Variants in LTN1 observed in about 807,000 individuals in gnomAD.
LTN1 encodes E3 ubiquitin-protein ligase listerin.
A neutral mutation model predicts 201.2 loss-of-function variants in LTN1; 88 were observed. The ratio of observed to expected loss-of-function variants is 0.44; its 90% confidence interval spans 0.37 to 0.52. The LOEUF (loss-of-function observed/expected upper bound fraction) is 0.52, where lower values mean the gene tolerates loss of function less well. Among genes scored for constraint, LTN1 ranks in the 20% least tolerant of loss-of-function variants. LTN1 has a pLI of 0.00. For synonymous variants in LTN1, 645 were observed against 713.5 expected (o/e 0.90, Z 1.53); for missense variants, 1,752 against 2,038.7 (o/e 0.86, Z 2.71).
rs757419194 is a variant in LTN1 at position 28,960,655 on chromosome 21, C to T, written c.2215G>A (p.Asp739Asn). 20 of 1,613,894 alleles carry T rather than the reference C, an allele frequency of 1.2e-5. No homozygotes were observed. Among genetic ancestry groups the T allele is most frequent in the Non-Finnish European group, 1.7e-5 (20 of 1,179,938 alleles). ...TTGACCAATTTCTCACCAAGGATATCGCCTTTGAGCCAAGGAGTTACTAAA... is the reference window on the plus strand; with the variant it reads ...TTGACCAATTTCTCACCAAGGATATTGCCTTTGAGCCAAGGAGTTACTAAA... ...HALVTPWLKG[D>N]ILGEKLVNLA... Residue 739 changes from aspartate to asparagine, a missense_variant, in exon 12 of 30, where the codon GAT (aspartate) becomes AAT (asparagine). Asp to Asn is a conservative substitution (Grantham distance 23). Transcript: ENST00000361371.
chr21:28,932,482 G>A lies in LTN1; in HGVS notation c.5058C>T (p.Tyr1686=), dbSNP rs771017905. The change falls in exon 28 of 30, where the codon TAC becomes TAT. Residue 1686 remains tyrosine (Y), a synonymous_variant. Transcript: ENST00000361371. ...WRNWMLQLST[Y]LTHQNGSIME... is the part of the protein sequence containing the mutation. Reference sequence around the variant, plus strand: ...AACAGAAACTTACCTGATGGGTGAGGTAAGTGCTTAACTGCAGCATCCAGT... The same window carrying A: ...AACAGAAACTTACCTGATGGGTGAGATAAGTGCTTAACTGCAGCATCCAGT... 2.5e-6 allele frequency: 4 copies of A among 1,613,420 alleles called. No homozygotes were observed. The highest frequency in any genetic ancestry group is 2.7e-5 in the African/African-American group (2 of 75,020).
intron 10 of LTN1, 67 bp from the exon 11 acceptor site, chr21:28,965,973 A>G (rs1337189344): frequency 1.0e-5 from 8 of 780,168 alleles, no homozygotes; most frequent in East Asian, 8.9e-5. Context: ...GGGGTTTTGT[A>G]TGTTGCCCAG....
At position 28,956,713 on chromosome 21, in the gene LTN1, T is replaced by A. The variant is rs554983825; in HGVS notation, c.3079+49A>T. Reference sequence around the variant, plus strand: ...AGTATAATCAAGATTATTTCAAAATTATATTCATTCATGCATTATGTTATA... The same window carrying A: ...AGTATAATCAAGATTATTTCAAAATAATATTCATTCATGCATTATGTTATA... On this transcript the variant is annotated intron_variant, in intron 16 of 29. Coordinates refer to ENST00000361371, the MANE Select transcript of LTN1 (RefSeq NM_015565.3). 5 of 934,478 alleles carry A rather than the reference T, an allele frequency of 5.4e-6. No individual in the cohort carries two copies. In the African/African-American group the frequency reaches 8.6e-5, roughly 16 times the overall value. 57.9% of individuals were successfully genotyped at this position (934,478 alleles called of 1,614,324 possible). A position where few individuals can be genotyped will look rare whatever the true frequency, so the allele number is the denominator to read the frequency against.
intron 29 of LTN1, among the ~76,000 whole-genome samples, 159 bp from the exon 30 acceptor site, chr21:28,930,669 C>T (rs1360516322): frequency 6.6e-6 from 1 of 152,166 alleles, no homozygotes; most frequent in East Asian, 1.9e-4. Context: ...AAAATTAACA[C>T]AAATTGAGTA....
At chr21:28,958,589 C>A (rs749557339) in intron 13 of LTN1, 50 bp from the exon 14 acceptor site, 1 of 1,343,816 alleles carries the variant, frequency 7.4e-7, no homozygotes, top group South Asian at 1.4e-5. Flanking sequence ...AATTAACTCT[C>A]ATCAGCACAA....
At chr21:28,945,786 T>A in intron 21 of LTN1, 21 bp downstream of exon 21, 1 of 1,605,704 alleles carries the variant, frequency 6.2e-7, no homozygotes, top group Non-Finnish European at 8.5e-7. Flanking sequence ...CAAGAGGTGA[T>A]GACATATCGG....
chr21:28,960,627 A>T lies in LTN1; in HGVS notation c.2243T>A (p.Leu748Ter). 1 of 1,614,074 alleles carries T rather than the reference A, an allele frequency of 6.2e-7. No individual in the cohort carries two copies. ...GDILGEKLVN[L>*]ADCLCNEDLE... Reference sequence around the variant, plus strand: ...GTCCTCATTACAAAGACAATCTGCCAAGTTGACCAATTTCTCACCAAGGAT... The same window carrying T: ...GTCCTCATTACAAAGACAATCTGCCTAGTTGACCAATTTCTCACCAAGGAT... The change falls in exon 12 of 30, where the codon TTG (leucine) becomes TAG (stop). Residue 748 changes from leucine (L) to a stop codon, truncating the protein, a stop_gained. Coordinates refer to ENST00000361371, the MANE Select transcript of LTN1 (RefSeq NM_015565.3). LOFTEE classifies it high-confidence loss of function.
chr21:28,989,946 G>T (rs1284646573), intron 1 of LTN1, among the ~76,000 whole-genome samples: 1 of 151,474 alleles, frequency 6.6e-6, no homozygotes, highest in African/African-American at 2.4e-5. Flanking sequence ...AACCTGGGAG[G>T]TGGAGGTTGC....
chr21:28,943,255 A>C lies in LTN1; in HGVS notation c.4295+7T>G. ...TTAATAAAACAAATTATTTAAAAAA[A>C]CCTTACAAGGCTGGCTCTTCTTCTT... On this transcript the variant is annotated splice_region_variant and intron_variant, in intron 24 of 29. Coordinates refer to ENST00000361371, the MANE Select transcript of LTN1 (RefSeq NM_015565.3). 6.4e-7 allele frequency: 1 copy of C among 1,572,714 alleles called. No homozygotes were observed. Among genetic ancestry groups the C allele is most frequent in the East Asian group, 2.2e-5 (1 of 44,516 alleles).
chr21:28,960,468 G>A (rs376003057), intron 12 of LTN1, 49 bp downstream of exon 12: 18 of 1,418,926 alleles, frequency 1.3e-5, no homozygotes, highest in East Asian at 4.6e-5. Flanking sequence ...CCCCACAAAG[G>A]AGAAATGGAC....
chr21:28,982,380 G>A lies in LTN1; in HGVS notation c.577-12C>T. ...TGATCCTGCAGCACCTACAAAGGGG[G>A]GAAATACCAAAGCCTTTGGTTTTAC... On this transcript the variant is annotated splice_polypyrimidine_tract_variant and intron_variant, in intron 4 of 29. Transcript: ENST00000361371. The A allele has an allele frequency of 6.2e-7, 1 of 1,608,868 alleles. No homozygotes were observed. Among genetic ancestry groups the A allele is most frequent in the Non-Finnish European group, 8.5e-7 (1 of 1,175,418 alleles).
chr21:28,936,606 G>A lies in LTN1; in HGVS notation c.4574C>T (p.Thr1525Ile). The change falls in exon 26 of 30, where the codon ACC (threonine) becomes ATC (isoleucine). Residue 1525 changes from threonine to isoleucine, a missense_variant. Physicochemically the swap from Thr to Ile is moderately conservative, Grantham distance 89. Coordinates refer to ENST00000361371, the MANE Select transcript of LTN1 (RefSeq NM_015565.3). ...HLFRLMPENP[T>I]YAETAVEVPN... ...GACCTCAACTGCTGTCTCTGCATAGGTTGGATTTTCTGGCATAAGCCTGAA... is the reference window on the plus strand; with the variant it reads ...GACCTCAACTGCTGTCTCTGCATAGATTGGATTTTCTGGCATAAGCCTGAA... The A allele has an allele frequency of 6.2e-7, 1 of 1,613,884 alleles. No homozygotes were observed. The highest frequency in any genetic ancestry group is 8.5e-7 in the Non-Finnish European group (1 of 1,179,820).
chr21:28,952,674 G>A (rs2084392242), intron 17 of LTN1, among the ~76,000 whole-genome samples: 1 of 152,142 alleles, frequency 6.6e-6, no homozygotes, highest in Admixed American at 6.6e-5. Flanking sequence ...GAATGCGATT[G>A]GAAAGGAAGC....
intron 6 of LTN1, among the ~76,000 whole-genome samples, chr21:28,978,862 T>C (rs2146311718): frequency 6.6e-6 from 1 of 152,328 alleles, no homozygotes; most frequent in South Asian, 2.1e-4. Flanking sequence ...CTAAAAATTC[T>C]TGAAGAGATG....
intron 25 of LTN1, 152 bp downstream of exon 25, chr21:28,941,068 C>T: frequency 1.7e-6 from 1 of 598,660 alleles, no homozygotes; most frequent in Non-Finnish European, 2.8e-6. Context: ...CAGAGTGAGA[C>T]CCTGTCTCAA....
chr21:28,971,799 A>G (rs2146304491), intron 6 of LTN1, among the ~76,000 whole-genome samples: 1 of 152,334 alleles, frequency 6.6e-6, no homozygotes, highest in African/African-American at 2.4e-5. Context: ...GAGACTTTAA[A>G]TCTTAGAATG....
At chr21:28,981,904 T>A (rs1343293050) in intron 5 of LTN1, among the ~76,000 whole-genome samples, 1 of 152,218 alleles carries the variant, frequency 6.6e-6, no homozygotes, top group Non-Finnish European at 1.5e-5. Flanking sequence ...CTACATATAT[T>A]ATTCCTTCTT....
At chr21:28,991,420 G>A (rs557025322) in intron 1 of LTN1, among the ~76,000 whole-genome samples, 1 of 152,046 alleles carries the variant, frequency 6.6e-6, no homozygotes, top group East Asian at 1.9e-4. Context: ...TATTATAATT[G>A]CTGCAGGCTA....
Position 28,952,175 on chromosome 21 carries a change from T to C in LTN1, c.3329A>G (p.Tyr1110Cys), listed in dbSNP as rs1398978699. ...ATAAGAATACCTTTCTTTTCTCTTA[T>C]AATGTGGTTTTACTTCATCAGATGA... ...SISSDEVKPH[Y>C]KRKESFFPLT... The change falls in exon 18 of 30, where the codon TAT becomes TGT. Residue 1110 changes from tyrosine to cysteine, a missense_variant. Physicochemically the swap from Tyr to Cys is radical, Grantham distance 194. Coordinates refer to ENST00000361371, the MANE Select transcript of LTN1 (RefSeq NM_015565.3). The C allele has an allele frequency of 1.3e-6, 2 of 1,596,076 alleles. No homozygotes were observed. Among genetic ancestry groups the C allele is most frequent in the Non-Finnish European group, 1.7e-6 (2 of 1,168,006 alleles).
Sources: allele counts gnomAD v4.1 joint callset (sites outside exome capture counted in the v4.1 genomes callset), GRCh38; gene constraint gnomAD v4.1.1; transcripts MANE v1.5; gene names NCBI Gene and HGNC (gene_info 2026-07-23, HGNC 2026-07-21).